The following PDE9A variants were observed in gnomAD, a reference collection of about 807,000 sequenced individuals.
PDE9A encodes phosphodiesterase 9A, also known as high affinity cGMP-specific 3',5'-cyclic phosphodiesterase 9A.
A neutral mutation model predicts 87.4 loss-of-function variants in PDE9A; 60 were observed. The observed-to-expected ratio is 0.69, with a 90% confidence interval of 0.56 to 0.85. The LOEUF is 0.85. Among genes scored for constraint, PDE9A ranks in the 40% least tolerant of loss-of-function variants. The pLI is 0.00. For synonymous variants in PDE9A, 272 were observed against 279.4 expected (o/e 0.97, Z 0.27); for missense variants, 665 against 779.0 (o/e 0.85, Z 1.74).
chr21:42,732,371 G>T (rs927102055), intron 6 of PDE9A, among the ~76,000 whole-genome samples: 7 of 152,230 alleles, frequency 4.6e-5, no homozygotes, highest in Admixed American at 2.0e-4. Context: ...ATGTGAGCTC[G>T]TGAGGTCGAG....
chr21:42,678,171 G>A (rs1243958988), intron 1 of PDE9A, among the ~76,000 whole-genome samples: 3 of 152,232 alleles, frequency 2.0e-5, no homozygotes, highest in South Asian at 2.1e-4. Flanking sequence ...AACGGAAGCC[G>A]ACTCAACACA....
chr21:42,757,862 C>T (rs1244797840), intron 10 of PDE9A: 1 of 152,290 alleles, frequency 6.6e-6, no homozygotes, highest in Non-Finnish European at 1.5e-5. Context: ...ACTTCATTAC[C>T]TCCGTAAAGG....
At chr21:42,690,034 G>A in intron 3 of PDE9A, 1 of 984,024 alleles carries the variant, frequency 1.0e-6, no homozygotes, top group Non-Finnish European at 1.2e-6. Flanking sequence ...GGTGGAGACA[G>A]ACGCGGATGA....
At chr21:42,693,306 T>C (rs996657310) in intron 3 of PDE9A, among the ~76,000 whole-genome samples, 13 of 151,748 alleles carry the variant, frequency 8.6e-5, no homozygotes, top group East Asian at 7.8e-4. Context: ...AATCTTTTTT[T>C]TTTTTTTTTT....
chr21:42,751,747 T>TTG (rs1318454916), intron 9 of PDE9A, among the ~76,000 whole-genome samples: 3 of 148,194 alleles, frequency 2.0e-5, no homozygotes, highest in Admixed American at 6.8e-5. Flanking sequence ...CCACCTGCTT[T>TTG]TTTTTTTTTT....
chr21:42,653,922 G>A, intron 1 of PDE9A, 39 bp downstream of exon 1: 2 of 1,248,050 alleles, frequency 1.6e-6, no homozygotes, highest in Non-Finnish European at 2.2e-6. Flanking sequence ...TCCTCCCCCC[G>A]GGTGACAGCG....
intron 4 of PDE9A, among the ~76,000 whole-genome samples, chr21:42,707,776 G>T (rs567150506): frequency 2.6e-5 from 4 of 152,296 alleles, no homozygotes; most frequent in Non-Finnish European, 5.9e-5. Flanking sequence ...CCATTTCCCT[G>T]ACAAAATAGG....
At chr21:42,758,767 G>A (rs2055350760) in intron 10 of PDE9A, 2 of 493,018 alleles carry the variant, frequency 4.1e-6, no homozygotes, top group Non-Finnish European at 7.3e-6. Context: ...GAGACCCCCA[G>A]TGTGCTCTCA....
At chr21:42,682,625 C>G (rs1239658007) in intron 1 of PDE9A, among the ~76,000 whole-genome samples, 2 of 152,222 alleles carry the variant, frequency 1.3e-5, no homozygotes, top group Non-Finnish European at 2.9e-5. Context: ...TTTGATGAAC[C>G]CCTCTCTTCT....
At chr21:42,713,648 C>T (rs1215137734) in intron 4 of PDE9A, among the ~76,000 whole-genome samples, 1 of 151,882 alleles carries the variant, frequency 6.6e-6, no homozygotes, top group Non-Finnish European at 1.5e-5. Context: ...TTATTTTGTC[C>T]TATGTCCCTT....
intron 4 of PDE9A, among the ~76,000 whole-genome samples, chr21:42,714,488 T>C (rs2049654117): frequency 6.6e-6 from 1 of 151,988 alleles, no homozygotes; most frequent in Admixed American, 6.6e-5. Flanking sequence ...TTTGTTCATA[T>C]GGTTGGGGTT....
At chr21:42,666,194 T>G (rs1271813297) in intron 1 of PDE9A, among the ~76,000 whole-genome samples, 1 of 152,076 alleles carries the variant, frequency 6.6e-6, no homozygotes, top group African/African-American at 2.4e-5. Flanking sequence ...AGAAAGGGCG[T>G]GGCTGCAGCC....
At chr21:42,662,937 A>G (rs2057675379) in intron 1 of PDE9A, among the ~76,000 whole-genome samples, 1 of 147,434 alleles carries the variant, frequency 6.8e-6, no homozygotes, top group East Asian at 2.0e-4. Flanking sequence ...ACACATGCAC[A>G]CCACGCACAC....
chr21:42,732,214 T>C (rs1358876539), intron 6 of PDE9A, 90 bp downstream of exon 6: 2 of 1,312,906 alleles, frequency 1.5e-6, no homozygotes, highest in Non-Finnish European at 2.1e-6. Context: ...AGGCTGGCCT[T>C]GGCCGGCAAG....
chr21:42,765,505 T>C lies in PDE9A; in HGVS notation c.1356+11T>C. ...GAGCACATGACCCTGGTGAGTGGCT[T>C]ATTCTGCCTGGGTGGGCAGCCAGGC... On this transcript the variant is annotated intron_variant, in intron 15 of 19. Coordinates refer to ENST00000291539, the MANE Select transcript of PDE9A (RefSeq NM_002606.3). 6.6e-7 allele frequency: 1 copy of C among 1,508,416 alleles called. No individual in the cohort carries two copies. Among genetic ancestry groups the C allele is most frequent in the Non-Finnish European group, 9.2e-7 (1 of 1,084,612 alleles). The allele number at this position is 1,508,416 out of a possible 1,614,324, so 93.4% of individuals were successfully genotyped here.
At position 42,695,979 on chromosome 21, in the gene PDE9A, G is replaced by A. The variant is rs2060120480; in HGVS notation, c.219-2989G>A. Among the ~76,000 whole-genome samples, 1 of 152,218 alleles carries A rather than the reference G, an allele frequency of 6.6e-6. No individual in the cohort carries two copies. Among genetic ancestry groups the A allele is most frequent in the South Asian group, 2.1e-4 (1 of 4,836 alleles). ...GATCTTGGGCCCAAGGGCCAGGAAG[G>A]TTTCTGCAGCCTCCTGGAGCATTCA... On this transcript the variant is annotated intron_variant, in intron 3 of 19. Coordinates refer to ENST00000291539, the MANE Select transcript of PDE9A (RefSeq NM_002606.3). This position sits in a 1 kb window ranked among gnomAD's most constrained non-coding sequence, Gnocchi z 4.3.
chr21:42,720,764 G>T (rs919767002), intron 4 of PDE9A, among the ~76,000 whole-genome samples: 1 of 151,974 alleles, frequency 6.6e-6, no homozygotes, highest in Non-Finnish European at 1.5e-5. Context: ...CCAGCACTTT[G>T]GGAGGCCGAG....
chr21:42,765,796 C>T (rs1056948843), intron 15 of PDE9A, among the ~76,000 whole-genome samples: 1 of 152,156 alleles, frequency 6.6e-6, no homozygotes, highest in Non-Finnish European at 1.5e-5. Flanking sequence ...AGAATAAAAC[C>T]AGCTCTCCCA....
chr21:42,731,323 C>T (rs2839577), intron 4 of PDE9A, among the ~76,000 whole-genome samples: 105,291 of 151,994 alleles, frequency 0.69, 37,927 homozygotes, highest in East Asian at 0.94. Flanking sequence ...TAGAAGATGA[C>T]GTAAACTTAT....
Sources: allele counts gnomAD v4.1 joint callset (sites outside exome capture counted in the v4.1 genomes callset), GRCh38; gene constraint gnomAD v4.1.1; non-coding constraint Gnocchi (gnomAD v3.1); transcripts MANE v1.5; gene names NCBI Gene and HGNC (gene_info 2026-07-23, HGNC 2026-07-21).